NHERF1: variants seen among roughly 807,000 people sequenced by gnomAD.
NHERF1 encodes the protein Na(+)/H(+) exchange regulatory cofactor NHE-RF1.
At chr17:74,762,499 G>A in the NHERF1 span, among the ~76,000 whole-genome samples, 2 of 152,236 alleles carry the variant, frequency 1.3e-5, no homozygotes, top group South Asian at 2.1e-4. This position sits in a 1 kb window ranked among gnomAD's most constrained non-coding sequence, Gnocchi z 4.2. Flanking sequence ...CTGCTGCCAG[G>A]CACACAGAGT....
the NHERF1 span, chr17:74,768,528 T>C: frequency 6.2e-7 from 1 of 1,613,854 alleles, no homozygotes; most frequent in Non-Finnish European, 8.5e-7. Flanking sequence ...TACCTCCTCC[T>C]CCGACCCCAT....
chr17:74,766,984 C>T, the NHERF1 span: 19 of 1,613,252 alleles, frequency 1.2e-5, no homozygotes, highest in Admixed American at 5.0e-5. Context: ...AAGGTAAGGG[C>T]GGGTCCCCTG....
At chr17:74,749,209 G>A in the NHERF1 span, 1 of 1,524,520 alleles carries the variant, frequency 6.6e-7, no homozygotes. This position sits in a 1 kb window ranked among gnomAD's most constrained non-coding sequence, Gnocchi z 5.6. Flanking sequence ...GGCAGGCCGA[G>A]CCGCCGGCCG....
the NHERF1 span, chr17:74,768,040 GC>G: frequency 3.6e-6 from 3 of 834,766 alleles, no homozygotes; most frequent in African/African-American, 5.0e-5. Context: ...GGGCATCAGT[GC>G]TACCTCTTCT....
the NHERF1 span, chr17:74,768,381 C>T: frequency 6.6e-7 from 1 of 1,515,784 alleles, no homozygotes; most frequent in Non-Finnish European, 9.2e-7. Flanking sequence ...GGGCACGGCC[C>T]CAACGGAGCC....
At chr17:74,762,805 G>A in the NHERF1 span, among the ~76,000 whole-genome samples, 19 of 152,242 alleles carry the variant, frequency 1.2e-4, no homozygotes, top group Middle Eastern at 3.4e-3. This position sits in a 1 kb window ranked among gnomAD's most constrained non-coding sequence, Gnocchi z 4.2. Flanking sequence ...TGATCTGCCC[G>A]CCTCGGCCTC....
the NHERF1 span, chr17:74,749,237 G>A: frequency 1.3e-6 from 2 of 1,529,264 alleles, no homozygotes; most frequent in African/African-American, 1.4e-5. This position sits in a 1 kb window ranked among gnomAD's most constrained non-coding sequence, Gnocchi z 5.6. Context: ...GGTGCAGGGG[G>A]CTGGCAACGA....
chr17:74,749,167 A>G, the NHERF1 span: 11 of 1,539,778 alleles, frequency 7.1e-6, no homozygotes, highest in African/African-American at 1.5e-4. The surrounding 1 kb of genome is among the most constrained non-coding windows in gnomAD (Gnocchi z 5.6). Context: ...TCCAGGTCCG[A>G]GAGGAGCTGC....
the NHERF1 span, chr17:74,763,072 AC>A: frequency 3.0e-6 from 1 of 329,776 alleles, no homozygotes; most frequent in Non-Finnish European, 5.6e-6. Flanking sequence ...GCTGGGCCCC[AC>A]CCCGGCCTCC....
chr17:74,758,790 T>A, the NHERF1 span, among the ~76,000 whole-genome samples: 1 of 151,886 alleles, frequency 6.6e-6, no homozygotes, highest in Non-Finnish European at 1.5e-5. This position sits in a 1 kb window ranked among gnomAD's most constrained non-coding sequence, Gnocchi z 4.3. Flanking sequence ...GCGGTGAGGG[T>A]CCAAGAGCAA....
the NHERF1 span, chr17:74,762,983 G>C: frequency 2.1e-5 from 4 of 192,294 alleles, no homozygotes; most frequent in East Asian, 1.3e-4. This position sits in a 1 kb window ranked among gnomAD's most constrained non-coding sequence, Gnocchi z 4.2. Context: ...CTAGAGATCA[G>C]CTCTCCCAAG....
chr17:74,767,944 A>G, the NHERF1 span: 39 of 681,570 alleles, frequency 5.7e-5, no homozygotes, highest in Middle Eastern at 1.2e-3. Context: ...CCTGAGCAGT[A>G]GAACCAGCCT....
the NHERF1 span, chr17:74,749,333 G>A: frequency 6.8e-7 from 1 of 1,474,180 alleles, no homozygotes; most frequent in Non-Finnish European, 9.0e-7. This position sits in a 1 kb window ranked among gnomAD's most constrained non-coding sequence, Gnocchi z 5.6. Context: ...GTGGGAGGAG[G>A]ATCCGGAGAG....
the NHERF1 span, among the ~76,000 whole-genome samples, chr17:74,764,761 C>T: frequency 1.3e-5 from 2 of 152,208 alleles, no homozygotes; most frequent in Admixed American, 1.3e-4. The surrounding 1 kb of genome is among the most constrained non-coding windows in gnomAD (Gnocchi z 4.9). Context: ...GTCCCCTCCC[C>T]GCAGTCCCTC....
At chr17:74,748,867 C>A in the NHERF1 span, 1 of 1,594,848 alleles carries the variant, frequency 6.3e-7, no homozygotes, top group Non-Finnish European at 8.5e-7. The surrounding 1 kb of genome is among the most constrained non-coding windows in gnomAD (Gnocchi z 4.3). Context: ...ACGCAGCGGC[C>A]GGGGCGCCCC....
chr17:74,767,333 T>G, the NHERF1 span, among the ~76,000 whole-genome samples: 1 of 151,988 alleles, frequency 6.6e-6, no homozygotes, highest in Non-Finnish European at 1.5e-5. Flanking sequence ...CTAGTCTGGG[T>G]TGGAAGAACA....
At chr17:74,757,230 C>T in the NHERF1 span, among the ~76,000 whole-genome samples, 2 of 152,184 alleles carry the variant, frequency 1.3e-5, no homozygotes, top group Admixed American at 1.3e-4. Flanking sequence ...GACCAGCAGA[C>T]CTCACTTTAG....
At chr17:74,763,546 T>C in the NHERF1 span, 6 of 1,564,202 alleles carry the variant, frequency 3.8e-6, no homozygotes, top group African/African-American at 8.1e-5. Context: ...CCACTGGCCG[T>C]CCTGGGGCTG....
At chr17:74,756,135 G>T in the NHERF1 span, among the ~76,000 whole-genome samples, 1 of 151,450 alleles carries the variant, frequency 6.6e-6, no homozygotes. Context: ...TTTTAGTAGA[G>T]ATAGGGTTTC....
Sources: allele counts gnomAD v4.1 joint callset (sites outside exome capture counted in the v4.1 genomes callset), GRCh38; gene constraint gnomAD v4.1.1; non-coding constraint Gnocchi (gnomAD v3.1); transcripts MANE v1.5; gene names NCBI Gene and HGNC (gene_info 2026-07-23, HGNC 2026-07-21).